GRIP1: variants seen among roughly 807,000 people sequenced by gnomAD.
GRIP1 encodes glutamate receptor-interacting protein 1.
Under a neutral mutation model 129.9 loss-of-function variants are expected in GRIP1, and 45 were observed. The ratio of observed to expected loss-of-function variants is 0.35; its 90% CI spans 0.27 to 0.44. The LOEUF (loss-of-function observed/expected upper bound fraction) is 0.44, where lower values mean the gene tolerates loss of function less well. GRIP1 is among the 20% of genes least tolerant of loss of function. GRIP1 has a pLI of 1.00. For missense variants in GRIP1, 1,196 were observed against 1,396.8 expected (o/e 0.86, Z 2.29); for synonymous variants, 530 against 520.8 (o/e 1.02, Z -0.24).
chr12:66,595,299 T>C (rs1252091387), intron 2 of GRIP1, among the ~76,000 whole-genome samples: 1 of 152,258 alleles, frequency 6.6e-6, no homozygotes, highest in Non-Finnish European at 1.5e-5. Context: ...ATTCTGTGTA[T>C]TTAACATGTA....
intron 11 of GRIP1, among the ~76,000 whole-genome samples, chr12:66,453,947 T>C (rs560399538): frequency 2.0e-5 from 3 of 152,336 alleles, no homozygotes; most frequent in African/African-American, 7.2e-5. Flanking sequence ...AAAAAACACA[T>C]GGGACTCCAG....
intron 1 of GRIP1, among the ~76,000 whole-genome samples, chr12:66,599,876 ATT>A (rs2064203429): frequency 6.6e-6 from 1 of 152,172 alleles, no homozygotes; most frequent in Non-Finnish European, 1.5e-5. Context: ...TCTAGATGAA[ATT>A]TCTTATGTTC....
At chr12:66,904,985 C>T (rs974612672) in intron 1 of GRIP1, among the ~76,000 whole-genome samples, 2 of 152,202 alleles carry the variant, frequency 1.3e-5, no homozygotes, top group African/African-American at 4.8e-5. Flanking sequence ...TTCTATGGTG[C>T]TGCGGTGTCC....
chr12:66,478,932 G>A (rs2059711203), intron 7 of GRIP1, among the ~76,000 whole-genome samples: 1 of 152,048 alleles, frequency 6.6e-6, no homozygotes, highest in African/African-American at 2.4e-5. Flanking sequence ...TAGTGTAAAT[G>A]ACGAGTTAAT....
intron 1 of GRIP1, among the ~76,000 whole-genome samples, chr12:66,706,924 C>G (rs1381487266): frequency 6.6e-6 from 1 of 151,284 alleles, no homozygotes; most frequent in Non-Finnish European, 1.5e-5. Context: ...CAGCAAACCA[C>G]CATGGCACAC....
rs183556941 is a variant in GRIP1, at chr12:66,743,644, C to T, written c.-420+60409G>A. Among the ~76,000 whole-genome samples the T allele has an allele frequency of 4.5e-4, 69 of 151,668 alleles. 3 individuals are homozygous for T. Among genetic ancestry groups the T allele is most frequent in the South Asian group, 4.2e-3 (20 of 4,764 alleles). On this transcript the variant is annotated intron_variant, in intron 1 of 4. Transcript: ENST00000538373. ...CACTCAACCTTTACCAGGATCCTGT[C>T]CTGGAGTGTCTAGGATACTGTGCAA...
At chr12:66,349,348 G>T (rs2054118284) in intron 24 of GRIP1, 102 bp from the exon 25 acceptor site, 6 of 900,354 alleles carry the variant, frequency 6.7e-6, no homozygotes, top group African/African-American at 1.6e-5. Context: ...AGTCATGAAG[G>T]TGCTAAAATG....
intron 2 of GRIP1, among the ~76,000 whole-genome samples, chr12:66,589,994 T>C (rs2063794484): frequency 6.6e-6 from 1 of 152,128 alleles, no homozygotes; most frequent in Admixed American, 6.5e-5. Context: ...AATGAGAGAA[T>C]TAATTTTTTT....
chr12:66,401,611 C>CAT (rs1305171122), intron 16 of GRIP1, among the ~76,000 whole-genome samples: 10 of 58,430 alleles, frequency 1.7e-4, no homozygotes, highest in African/African-American at 5.3e-4. Flanking sequence ...TATATATATA[C>CAT]ACACACACAC....
Position 66,695,664 on chromosome 12 carries a change from C to T in GRIP1, c.-419-65328G>A, listed in dbSNP as rs116997007. On this transcript the variant is annotated intron_variant, in intron 1 of 4. Coordinates refer to the GRIP1 transcript ENST00000538373. ...GTACAAAATTGAGGTTGATAATCTTCGTTTTTAAGGAGCTTCTTGGGGAGG... is the reference window on the plus strand; with the variant it reads ...GTACAAAATTGAGGTTGATAATCTTTGTTTTTAAGGAGCTTCTTGGGGAGG... Among the ~76,000 whole-genome samples the T allele has an allele frequency of 5.8e-3, 889 of 152,148 alleles. 2 individuals carry two copies. Among genetic ancestry groups the T allele is most frequent in the Non-Finnish European group, 9.1e-3 (619 of 68,006 alleles).
intron 23 of GRIP1, among the ~76,000 whole-genome samples, chr12:66,358,045 C>G (rs184537935): frequency 5.1e-4 from 78 of 152,210 alleles, no homozygotes; most frequent in African/African-American, 1.8e-3. Flanking sequence ...AGGCACCTGC[C>G]CCTACGCCCG....
At chr12:66,512,672 C>T (rs781117050) in intron 7 of GRIP1, among the ~76,000 whole-genome samples, 2 of 151,234 alleles carry the variant, frequency 1.3e-5, no homozygotes, top group Non-Finnish European at 2.9e-5. Flanking sequence ...ACATAAATGA[C>T]AACAGAAAAT....
chr12:66,988,762 T>C (rs1265618880), intron 1 of GRIP1, among the ~76,000 whole-genome samples: 2 of 152,162 alleles, frequency 1.3e-5, no homozygotes, highest in Non-Finnish European at 2.9e-5. Context: ...TTCTGATATA[T>C]AATATGGTTT....
intron 1 of GRIP1, among the ~76,000 whole-genome samples, chr12:66,615,847 G>A (rs2139921863): frequency 6.6e-6 from 1 of 152,134 alleles, no homozygotes; most frequent in Non-Finnish European, 1.5e-5. Context: ...GTTTCACCAT[G>A]TTGGCCAGGT....
At chr12:66,389,603 G>GA (rs551326435) in intron 19 of GRIP1, among the ~76,000 whole-genome samples, 25 of 149,772 alleles carry the variant, frequency 1.7e-4, no homozygotes, top group South Asian at 6.4e-4. Flanking sequence ...CACGGGTAAA[G>GA]AAAAAAAAAC....
intron 23 of GRIP1, among the ~76,000 whole-genome samples, chr12:66,366,913 G>A (rs2055185075): frequency 6.6e-6 from 1 of 152,084 alleles, no homozygotes; most frequent in Admixed American, 6.6e-5. Flanking sequence ...CTAACTTGTG[G>A]GCTCAAGCGA....
intron 1 of GRIP1, among the ~76,000 whole-genome samples, chr12:66,792,659 T>A (rs965452876): frequency 6.6e-6 from 1 of 152,206 alleles, no homozygotes; most frequent in African/African-American, 2.4e-5. Flanking sequence ...GAGATCTCTG[T>A]CTCATTTAAA....
intron 1 of GRIP1, among the ~76,000 whole-genome samples, chr12:66,937,719 T>C (rs1024217355): frequency 6.6e-6 from 1 of 152,174 alleles, no homozygotes; most frequent in Non-Finnish European, 1.5e-5. Context: ...TGATAAGACA[T>C]TGAGAGATCA....
intron 1 of GRIP1, among the ~76,000 whole-genome samples, chr12:66,967,059 A>G (rs1223991724): frequency 6.6e-6 from 1 of 152,158 alleles, no homozygotes; most frequent in Non-Finnish European, 1.5e-5. Context: ...CTATTGAAAG[A>G]TATTTTTGTT....
Sources: gnomAD v4.1 joint callset for allele counts (sites outside exome capture counted in the v4.1 genomes callset) on GRCh38, gnomAD v4.1.1 for gene constraint, MANE v1.5 for transcripts, NCBI Gene and HGNC (gene_info 2026-07-23, HGNC 2026-07-21) for gene names.